Variants in LRG1 observed in about 807,000 individuals in gnomAD.
LRG1 encodes leucine rich alpha-2-glycoprotein 1.
LRG1 carries 1 observed loss-of-function variant against 2.4 expected under a neutral mutation model. The observed-to-expected ratio is 0.41, with a 90% CI of 0.15 to 1.95. The LOEUF (loss-of-function observed/expected upper bound fraction) is 1.95, where lower values mean the gene tolerates loss of function less well. Ranked by LOEUF, LRG1 falls within the 30% of genes most tolerant of loss-of-function variation. LRG1 has a pLI of 0.30. For missense variants in LRG1, 425 were observed against 436.9 expected (o/e 0.97, Z 0.24); for synonymous variants, 226 against 210.6 (o/e 1.07, Z -0.63).
Position 4,538,242 on chromosome 19 carries a change from G to T in LRG1, c.742C>A (p.Leu248Met). ...AAGGCACCGGCTGCCACCCTGGCCA[G>T]CTTGTTGCCGTTCAGGAAGAGGTAG... Reference protein sequence around the residue: ...LRYLFLNGNKLARVAAGAFQG... With the variant: ...LRYLFLNGNKMARVAAGAFQG... Residue 248 changes from leucine (L) to methionine (M), a missense_variant, in exon 2 of 2, where the codon CTG (leucine) becomes ATG (methionine). Physicochemically the swap from Leu to Met is conservative, Grantham distance 15 (BLOSUM62 2). Coordinates refer to ENST00000306390, the MANE Select transcript of LRG1 (RefSeq NM_052972.3). 1 of 1,614,090 alleles carries T rather than the reference G, an allele frequency of 6.2e-7. No individual in the cohort carries two copies.
At chr19:4,539,262 G>T in intron 1 of LRG1, 1 of 227,090 alleles carries the variant, frequency 4.4e-6, no homozygotes. Flanking sequence ...GCCCCCATGA[G>T]CTGTTAATTA....
In LRG1 at chr19:4,538,641, C is replaced by G; in HGVS notation, c.343G>C (p.Val115Leu). The change falls in exon 2 of 2, where the codon GTG becomes CTG. Residue 115 changes from valine (V) to leucine (L), a missense_variant. By Grantham distance (32) the Val-to-Leu change is conservative. Transcript: ENST00000306390. ...ESLSPEFLRP[V>L]PQLRVLDLTR... ...AGATCCAGCACCCTCAGCTGCGGCACTGGCCGCAGGAATTCGGGCGAGAGG... is the reference window on the plus strand; with the variant it reads ...AGATCCAGCACCCTCAGCTGCGGCAGTGGCCGCAGGAATTCGGGCGAGAGG... 2 of 1,613,124 alleles carry G rather than the reference C, an allele frequency of 1.2e-6. No homozygotes were observed. Among genetic ancestry groups the G allele is most frequent in the Non-Finnish European group, 1.7e-6 (2 of 1,179,360 alleles).
chr19:4,539,126 TCTACCCTCA>T, intron 1 of LRG1, 175 bp from the exon 2 acceptor site: 1 of 486,650 alleles, frequency 2.1e-6, no homozygotes, highest in Non-Finnish European at 3.4e-6. Flanking sequence ...TCTTCCAGCT[TCTACCCTCA>T]CCCCCGACAG....
rs756444222 is a variant in LRG1, at chr19:4,538,099, G to A, written c.885C>T (p.Asp295=). The A allele has an allele frequency of 1.2e-6, 2 of 1,614,078 alleles. No individual in the cohort carries two copies. The highest frequency in any genetic ancestry group is 1.3e-5 in the African/African-American group (1 of 74,950). ...QPNWDMRDGF[D]ISGNPWICDQ... ...CACAGATCCAGGGGTTGCCGGAGAT[G>A]TCGAAGCCATCCCGCATGTCCCAGT... is the stretch of plus-strand genomic sequence containing the variant. Residue 295 remains aspartate (D), a synonymous_variant, in exon 2 of 2, where the codon GAC becomes GAT. Transcript: ENST00000306390.
chr19:4,537,972 G>A lies in LRG1; in HGVS notation c.1012C>T (p.Gln338Ter). Residue 338 changes from glutamine to a stop codon, truncating the protein, a stop_gained, in exon 2 of 2, where the codon CAG (glutamine) becomes TAG (stop). Coordinates refer to ENST00000306390, the MANE Select transcript of LRG1 (RefSeq NM_052972.3). LOFTEE classifies it low-confidence loss of function (END_TRUNC). ...GACTTGGCCACTGCCAGGAGCGTCT[G>A]GCCCTTCACGGCTTCAGGCCCAGCA... ...RCAGPEAVKG[Q>*]TLLAVAKSQ 1 of 1,613,098 alleles carries A rather than the reference G, an allele frequency of 6.2e-7. No homozygotes were observed.
chr19:4,539,060 G>A (rs1976984205), intron 1 of LRG1, 109 bp from the exon 2 acceptor site: 1 of 1,117,672 alleles, frequency 8.9e-7, no homozygotes, highest in Admixed American at 3.2e-5. Flanking sequence ...GCGGCTACCA[G>A]CCTGGACTAT....
In LRG1 at chr19:4,537,914, C is replaced by T. The variant is rs778502814; in HGVS notation, c.*26G>A. 5.5e-5 allele frequency: 87 copies of T among 1,587,928 alleles called. No individual in the cohort carries two copies. The highest frequency in any genetic ancestry group is 6.9e-5 in the Non-Finnish European group (80 of 1,165,294). ...CGGGTTGCAGTGTTCTACCAGACCC[C>T]CCACCCTCAACCCAAGCCCCTGGTC... On this transcript the variant is annotated 3_prime_UTR_variant, in exon 2 of 2. Coordinates refer to ENST00000306390, the MANE Select transcript of LRG1 (RefSeq NM_052972.3).
At position 4,536,775 on chromosome 19, in the gene LRG1, C is replaced by T. The variant is rs1160739005; in HGVS notation, c.*1165G>A. 5.3e-5 allele frequency: 8 copies of T among 152,306 alleles called. No homozygotes were observed. Among genetic ancestry groups the T allele is most frequent in the Admixed American group, 2.6e-4 (4 of 15,272 alleles). 9.4% of individuals were successfully genotyped at this position (152,306 alleles called of 1,614,324 possible). A position where few individuals can be genotyped will look rare whatever the true frequency, so the allele number is the denominator to read the frequency against. On this transcript the variant is annotated 3_prime_UTR_variant, in exon 2 of 2. Transcript: ENST00000306390. ...CCCAAGCCCCAGGGTCTTCCAAATC[C>T]GATTGCAGCCCCCACATGGCCAATG... is the stretch of plus-strand genomic sequence containing the variant.
chr19:4,539,900 T>C, intron 1 of LRG1, 82 bp downstream of exon 1: 1 of 1,556,868 alleles, frequency 6.4e-7, no homozygotes, highest in Non-Finnish European at 8.9e-7. Context: ...CCCTGTGACT[T>C]CTATGGGTTA....
rs367555765 is a variant in LRG1 at position 4,538,416 on chromosome 19, G to A, written c.568C>T (p.Leu190=). ...TTCTCCCCAAGGTCAAGGGTGCGCA[G>A]GAGGGTGAAGTTGGCCAGCAGCCCG... ...PPGLLANFTL[L]RTLDLGENQL... Residue 190 remains leucine (L), a synonymous_variant, in exon 2 of 2, where the codon CTG becomes TTG. Coordinates refer to ENST00000306390, the MANE Select transcript of LRG1 (RefSeq NM_052972.3). 18 of 1,614,074 alleles carry A rather than the reference G, an allele frequency of 1.1e-5. No homozygotes were observed. Among genetic ancestry groups the A allele is most frequent in the Non-Finnish European group, 1.4e-5 (17 of 1,180,054 alleles).
Sources: gnomAD v4.1 joint callset for allele counts on GRCh38, gnomAD v4.1.1 for gene constraint, MANE v1.5 for transcripts, NCBI Gene and HGNC (gene_info 2026-07-23, HGNC 2026-07-21) for gene names.